The following RAD52 variants were observed in gnomAD, a reference collection of about 807,000 sequenced individuals.
The protein encoded by RAD52 is DNA repair protein RAD52 homolog.
In RAD52, 47 loss-of-function variants were observed where a neutral mutation model predicts 55.5. That is an observed-to-expected ratio of 0.85 (90% CI 0.67 to 1.08). The LOEUF (loss-of-function observed/expected upper bound fraction) is 1.08. Ranked by LOEUF, RAD52 falls within the 50% of genes least tolerant of loss-of-function variation. RAD52 has a pLI of 0.00. For synonymous variants in RAD52, 184 were observed against 198.9 expected (o/e 0.92, Z 0.63); for missense variants, 468 against 522.8 (o/e 0.90, Z 1.02).
At chr12:988,090 A>G (rs1643949339) in intron 1 of RAD52, among the ~76,000 whole-genome samples, 1 of 152,128 alleles carries the variant, frequency 6.6e-6, no homozygotes, top group Admixed American at 6.5e-5. Context: ...CTTACACCTC[A>G]GCCTCCTGAA....
intron 1 of RAD52, among the ~76,000 whole-genome samples, chr12:984,064 T>C: frequency 6.6e-6 from 1 of 152,252 alleles, no homozygotes; most frequent in East Asian, 1.9e-4. Flanking sequence ...ACATTCACAA[T>C]GATCTGCAGA....
chr12:939,252 G>A (rs754239229), intron 1 of RAD52, among the ~76,000 whole-genome samples: 5 of 151,894 alleles, frequency 3.3e-5, no homozygotes, highest in South Asian at 2.1e-4. Context: ...TCCTTGGCTC[G>A]TGATCTTCCC....
At position 916,743 on chromosome 12, in the gene RAD52, G is replaced by A. The variant is rs761884646; in HGVS notation, c.621C>T (p.Ser207=). ...EPSVEEARYN[S]CRPNMALGHP... ...GTCCCAGGGCCATGTTCGGTCGGCA[G>A]CTGTTGTATCTTGCCTCCTCCACAG... Residue 207 remains serine, a synonymous_variant, in exon 8 of 12, where the codon AGC becomes AGT. Coordinates refer to ENST00000358495, the MANE Select transcript of RAD52 (RefSeq NM_134424.4). 5 of 1,614,216 alleles carry A rather than the reference G, an allele frequency of 3.1e-6. No individual in the cohort carries two copies. The African/African-American group carries it at 5.3e-5, about 17-fold the overall frequency.
At chr12:953,872 G>A (rs892963605), upstream of RAD52, among the ~76,000 whole-genome samples, 17 of 152,092 alleles carry the variant, frequency 1.1e-4, no homozygotes, top group African/African-American at 4.1e-4. Context: ...TATAAACTGT[G>A]TGAGAGCGTT....
Position 912,520 on chromosome 12 carries a change from T to A in RAD52, c.*871A>T. 1 of 155,736 alleles carries A rather than the reference T, an allele frequency of 6.4e-6. No homozygotes were observed. Among genetic ancestry groups the A allele is most frequent in the Non-Finnish European group, 1.3e-5 (1 of 74,358 alleles). 9.6% of individuals were successfully genotyped at this position (155,736 alleles called of 1,614,324 possible). On this transcript the variant is annotated 3_prime_UTR_variant, in exon 12 of 12. Coordinates refer to ENST00000358495, the MANE Select transcript of RAD52 (RefSeq NM_134424.4). ...TTTCAAGCATTTCAGATAAGCAATATATATATATTCTATTTTGTTAATAAG... is the reference window on the plus strand; with the variant it reads ...TTTCAAGCATTTCAGATAAGCAATAAATATATATTCTATTTTGTTAATAAG...
rs972171367 is a variant in RAD52 at position 912,394 on chromosome 12, T to A, written c.*997A>T. ...TGCACAAAATTATGTGTATGAGGCA[T>A]ATACACGAAACACAGGTGAATTCCA... On this transcript the variant is annotated 3_prime_UTR_variant, in exon 12 of 12. Transcript: ENST00000358495. 5.0e-6 allele frequency: 1 copy of A among 201,946 alleles called. No homozygotes were observed. The highest frequency in any genetic ancestry group is 2.3e-5 in the African/African-American group (1 of 43,522). The allele number at this position is 201,946 out of a possible 1,614,324, so 12.5% of individuals were successfully genotyped here. A position where few individuals can be genotyped will look rare whatever the true frequency, so the allele number is the denominator to read the frequency against.
intron 1 of RAD52, among the ~76,000 whole-genome samples, chr12:978,630 G>A (rs1380999275): frequency 6.6e-6 from 1 of 152,044 alleles, no homozygotes; most frequent in Non-Finnish European, 1.5e-5. Context: ...GTGAAACCCC[G>A]TCTCCACTAA....
At chr12:980,599 CTTTCT>C (rs1273812034) in intron 1 of RAD52, among the ~76,000 whole-genome samples, 62 of 57,246 alleles carry the variant, frequency 1.1e-3, no homozygotes, top group South Asian at 7.6e-3. Context: ...CAGCCTCTTT[CTTTCT>C]TTTTTTTTTT....
At chr12:925,662 T>C in intron 6 of RAD52, 137 bp from the exon 7 acceptor site, 1 of 670,770 alleles carries the variant, frequency 1.5e-6, no homozygotes, top group Non-Finnish European at 2.7e-6. Context: ...CATTCCCCAT[T>C]GATGTCTGGT....
chr12:975,560 A>T (rs1958924610), intron 1 of RAD52: 1 of 152,240 alleles, frequency 6.6e-6, no homozygotes, highest in African/African-American at 2.4e-5. Context: ...ATCCCAAACC[A>T]GAAGTAACCA....
intron 7 of RAD52, among the ~76,000 whole-genome samples, chr12:922,208 A>AAC (rs1956776371): frequency 2.7e-5 from 4 of 150,872 alleles, no homozygotes; most frequent in Admixed American, 2.0e-4. Flanking sequence ...AAAAAAAAAA[A>AAC]AAAAACCAAA....
At chr12:946,982 C>T (rs756408175) in intron 1 of RAD52, among the ~76,000 whole-genome samples, 1 of 152,180 alleles carries the variant, frequency 6.6e-6, no homozygotes. Flanking sequence ...CTGCTTGATA[C>T]CACGATAATT....
At chr12:949,352 G>A (rs1486616491) in intron 1 of RAD52, 1 of 152,230 alleles carries the variant, frequency 6.6e-6, no homozygotes, top group Non-Finnish European at 1.5e-5. Flanking sequence ...CACCGCGGTG[G>A]GGTCCCGGCG....
intron 1 of RAD52, among the ~76,000 whole-genome samples, chr12:963,984 G>T (rs974379804): frequency 6.6e-6 from 1 of 152,126 alleles, no homozygotes; most frequent in Non-Finnish European, 1.5e-5. Flanking sequence ...TGCAAGGGGG[G>T]AAGAGTGTTC....
chr12:963,683 A>G (rs1405962417), intron 1 of RAD52, among the ~76,000 whole-genome samples: 1 of 152,102 alleles, frequency 6.6e-6, no homozygotes, highest in African/African-American at 2.4e-5. Flanking sequence ...ATATATTCTA[A>G]CTGTTGGCTT....
chr12:942,941 G>A (rs1957997763), intron 1 of RAD52, among the ~76,000 whole-genome samples: 1 of 152,066 alleles, frequency 6.6e-6, no homozygotes, highest in South Asian at 2.1e-4. Flanking sequence ...CAGAGGACAG[G>A]TAACCAGGAT....
At chr12:976,827 G>A (rs1958940441) in intron 1 of RAD52, 1 of 152,180 alleles carries the variant, frequency 6.6e-6, no homozygotes, top group Non-Finnish European at 1.5e-5. Context: ...TCTTTTTGAT[G>A]ATGACTTGCA....
rs750453160 is a variant in RAD52, at chr12:933,019, T to C, written c.40A>G (p.Ser14Gly). The change falls in exon 2 of 12, where the codon AGC becomes GGC. Residue 14 changes from serine (S) to glycine (G), a missense_variant. Ser to Gly is a moderately conservative substitution (Grantham distance 56). Transcript: ENST00000358495. The stretch of plus-strand genomic sequence containing the variant: ...GAGCCGCCGCCAGCAGCAGGATGGC[T>C]GTCACGTCCTCCAAGAATTGCTTCC... ...TEEAILGGRDSHPAAGGGSVL... is the reference protein window; with the variant it reads ...TEEAILGGRDGHPAAGGGSVL... 8 of 1,613,910 alleles carry C rather than the reference T, an allele frequency of 5.0e-6. No individual in the cohort carries two copies. The highest frequency in any genetic ancestry group is 5.9e-6 in the Non-Finnish European group (7 of 1,180,030).
intron 1 of RAD52, among the ~76,000 whole-genome samples, chr12:955,751 T>G (rs1018400237): frequency 6.6e-6 from 1 of 151,824 alleles, no homozygotes; most frequent in Non-Finnish European, 1.5e-5. Flanking sequence ...GGGTTACAGG[T>G]GTGAGCCACT....
Sources: allele counts gnomAD v4.1 joint callset (sites outside exome capture counted in the v4.1 genomes callset), GRCh38; gene constraint gnomAD v4.1.1; transcripts MANE v1.5; gene names NCBI Gene and HGNC (gene_info 2026-07-23, HGNC 2026-07-21).